ACTR3: variants seen among roughly 807,000 people sequenced by gnomAD.
The protein encoded by ACTR3 is actin related protein 3.
Under a neutral mutation model 56.8 loss-of-function variants are expected in ACTR3, and 12 were observed. The observed-to-expected ratio is 0.21, with a 90% CI of 0.14 to 0.34. The LOEUF (loss-of-function observed/expected upper bound fraction) is 0.34, where lower values mean the gene tolerates loss of function less well. Among genes scored for constraint, ACTR3 ranks in the 10% least tolerant of loss-of-function variants. The pLI, the probability that ACTR3 is intolerant of heterozygous loss-of-function variation, is 1.00. For synonymous variants in ACTR3, 162 were observed against 167.4 expected (o/e 0.97, Z 0.25); for missense variants, 282 against 512.5 (o/e 0.55, Z 4.34).
At chr2:113,929,359 T>G (rs563122102) in intron 4 of ACTR3, among the ~76,000 whole-genome samples, 4 of 151,864 alleles carry the variant, frequency 2.6e-5, no homozygotes, top group African/African-American at 7.2e-5. Context: ...AGGCTGGTCT[T>G]GAACTCCTGG....
chr2:113,890,879 A>G, intron 1 of ACTR3: 7 of 744,092 alleles, frequency 9.4e-6, no homozygotes, highest in Non-Finnish European at 9.9e-6. Context: ...TGGGGCTTTC[A>G]TTTGACCACC....
At chr2:113,956,091 A>C (rs928265737) in intron 11 of ACTR3, among the ~76,000 whole-genome samples, 4 of 151,784 alleles carry the variant, frequency 2.6e-5, no homozygotes, top group African/African-American at 7.3e-5. Context: ...AGGTCTTACT[A>C]TGTTGGGCCA....
chr2:113,951,939 T>A (rs765129565), intron 10 of ACTR3, 94 bp downstream of exon 10: 5 of 1,499,682 alleles, frequency 3.3e-6, no homozygotes, highest in Non-Finnish European at 4.6e-6. Context: ...TTTAGAAAAA[T>A]AAGAGGAACC....
chr2:113,916,837 T>C, intron 2 of ACTR3, 47 bp from the exon 3 acceptor site: 9 of 1,536,796 alleles, frequency 5.9e-6, no homozygotes, highest in Non-Finnish European at 7.9e-6. Context: ...AAAGTTTTTC[T>C]CATTTGAGGA....
chr2:113,952,472 C>A (rs1370178251), intron 10 of ACTR3: 1 of 151,884 alleles, frequency 6.6e-6, no homozygotes, highest in Non-Finnish European at 1.5e-5. Context: ...AATGATATGG[C>A]TTTTTTCAAA....
chr2:113,924,385 T>C (rs1679578361), intron 3 of ACTR3, among the ~76,000 whole-genome samples: 1 of 152,038 alleles, frequency 6.6e-6, no homozygotes, highest in African/African-American at 2.4e-5. Flanking sequence ...CCCTTTCTTA[T>C]TCTTATTGAC....
At chr2:113,914,670 A>G (rs1185685975) in intron 2 of ACTR3, among the ~76,000 whole-genome samples, 2 of 151,484 alleles carry the variant, frequency 1.3e-5, no homozygotes, top group Non-Finnish European at 2.9e-5. Flanking sequence ...TCAAAATTGC[A>G]CCTAAAAGGG....
chr2:113,936,816 G>T (rs1679835870), intron 6 of ACTR3, among the ~76,000 whole-genome samples: 1 of 152,004 alleles, frequency 6.6e-6, no homozygotes, highest in Admixed American at 6.6e-5. Context: ...ATTTTGGCAG[G>T]GTTGGTTTCT....
chr2:113,922,586 G>A (rs1679531176), intron 3 of ACTR3, among the ~76,000 whole-genome samples: 1 of 151,910 alleles, frequency 6.6e-6, no homozygotes, highest in African/African-American at 2.4e-5. Flanking sequence ...GAAGAGTAAA[G>A]GCTTGCCAGG....
In ACTR3 at chr2:113,943,037, C is replaced by T. The variant is rs544480368; in HGVS notation, c.858+678C>T. Among the ~76,000 whole-genome samples the T allele has an allele frequency of 2.0e-5, 3 of 152,266 alleles. No individual in the cohort carries two copies. In the South Asian group the frequency reaches 6.2e-4, roughly 32 times the overall value. On this transcript the variant is annotated intron_variant, in intron 8 of 11. Coordinates refer to ENST00000263238, the MANE Select transcript of ACTR3 (RefSeq NM_005721.5). ...TGAATTTTCATGATCTCAGCTTAAGCACTGGGTATTCAAAGATGAAAAATT... is the reference window on the plus strand; with the variant it reads ...TGAATTTTCATGATCTCAGCTTAAGTACTGGGTATTCAAAGATGAAAAATT...
chr2:113,931,368 A>G lies in ACTR3; in HGVS notation c.404A>G (p.Asn135Ser), dbSNP rs34090058. The change falls in exon 5 of 12, where the codon AAT becomes AGT. Residue 135 changes from asparagine to serine, a missense_variant. Transcript: ENST00000263238. ...YTAEIMFESF[N>S]VPGLYIAVQA... Reference sequence around the variant, plus strand: ...GCTGAAATAATGTTTGAGTCCTTCAATGTTCCAGGCTTGTACATTGCTGTG... The same window carrying G: ...GCTGAAATAATGTTTGAGTCCTTCAGTGTTCCAGGCTTGTACATTGCTGTG... 6.9e-4 allele frequency: 1,098 copies of G among 1,601,348 alleles called. 8 individuals are homozygous for G. In the African/African-American group the frequency reaches 0.011, roughly 16 times the overall value.
intron 7 of ACTR3, 23 bp from the exon 8 acceptor site, chr2:113,942,163 A>T: frequency 6.5e-7 from 1 of 1,537,188 alleles, no homozygotes; most frequent in Non-Finnish European, 8.7e-7. Flanking sequence ...AAAAAAAGTT[A>T]CTTTTGTTTC....
Position 113,961,257 on chromosome 2 carries a change from CA to C in ACTR3, c.*3803del, listed in dbSNP as rs1680320038. On this transcript the variant is annotated 3_prime_UTR_variant, in exon 12 of 12. Transcript: ENST00000263238. ...ATCTGTGGTCGTCTGAGGTATTCTC[CA>C]TGCTATAACCCAGTTTAGCTGATGC... 6.6e-6 allele frequency: 1 copy of C among 152,030 alleles called. No homozygotes were observed. 9.4% of individuals were successfully genotyped at this position (152,030 alleles called of 1,614,324 possible).
chr2:113,931,786 T>C (rs1001181488), intron 5 of ACTR3, among the ~76,000 whole-genome samples: 3 of 152,144 alleles, frequency 2.0e-5, no homozygotes, highest in Non-Finnish European at 4.4e-5. Flanking sequence ...GATTGACTTA[T>C]CTTTAGGTAT....
intron 10 of ACTR3, chr2:113,953,613 G>A (rs913384031): frequency 6.6e-6 from 1 of 151,900 alleles, no homozygotes; most frequent in Non-Finnish European, 1.5e-5. Flanking sequence ...TTTTCCTTCA[G>A]TCTGTAATTT....
In ACTR3 at chr2:113,957,771, T is replaced by A. The variant is rs1680243681; in HGVS notation, c.*316T>A. The A allele has an allele frequency of 4.1e-6, 1 of 246,052 alleles. No homozygotes were observed. 15.2% of individuals were successfully genotyped at this position (246,052 alleles called of 1,614,324 possible). A position where few individuals can be genotyped will look rare whatever the true frequency, so the allele number is the denominator to read the frequency against. ...AGATTCGATGGGATTTATCAGTGTG[T>A]AGATAGCTCTATAATGCTTGAATTG... On this transcript the variant is annotated 3_prime_UTR_variant, in exon 12 of 12. Transcript: ENST00000263238.
intron 1 of ACTR3, among the ~76,000 whole-genome samples, chr2:113,905,776 A>G (rs890318599): frequency 4.6e-5 from 7 of 152,098 alleles, no homozygotes; most frequent in African/African-American, 1.7e-4. Context: ...TGATTGGTTT[A>G]TTTTACTTAT....
chr2:113,916,393 T>A (rs1046357884), intron 2 of ACTR3, among the ~76,000 whole-genome samples: 2 of 152,234 alleles, frequency 1.3e-5, no homozygotes, highest in Admixed American at 1.3e-4. Context: ...GTATTACATT[T>A]AAATTACTAG....
intron 1 of ACTR3, among the ~76,000 whole-genome samples, chr2:113,892,941 A>G (rs1678933631): frequency 1.3e-5 from 2 of 152,238 alleles, no homozygotes; most frequent in Non-Finnish European, 2.9e-5. Flanking sequence ...GCAAAACTCA[A>G]CATATGAATC....
Sources: gnomAD v4.1 joint callset for allele counts (sites outside exome capture counted in the v4.1 genomes callset) on GRCh38, gnomAD v4.1.1 for gene constraint, MANE v1.5 for transcripts, NCBI Gene and HGNC (gene_info 2026-07-23, HGNC 2026-07-21) for gene names.